CENPE: variants seen among roughly 807,000 people sequenced by gnomAD.
The protein encoded by CENPE is centromere protein E.
In CENPE, 145 loss-of-function variants were observed where a neutral mutation model predicts 336.1. The observed-to-expected ratio is 0.43, with a 90% confidence interval of 0.38 to 0.50. The LOEUF is 0.50. Ranked by LOEUF, CENPE falls within the 20% of genes least tolerant of loss-of-function variation. CENPE has a pLI of 0.00. For missense variants in CENPE, 2,719 were observed against 3,023.3 expected (o/e 0.90, Z 2.36); for synonymous variants, 1,013 against 984.8 (o/e 1.03, Z -0.54).
chr4:103,125,130 C>T (rs925966967), intron 42 of CENPE, among the ~76,000 whole-genome samples: 4 of 152,138 alleles, frequency 2.6e-5, no homozygotes, highest in African/African-American at 9.7e-5. Context: ...AATCAATAAA[C>T]AGGATGAACT....
chr4:103,130,278 T>C (rs1751469462), intron 42 of CENPE, among the ~76,000 whole-genome samples: 1 of 152,140 alleles, frequency 6.6e-6, no homozygotes, highest in African/African-American at 2.4e-5. Context: ...TCTGAAGGCA[T>C]CAACAAAAAT....
chr4:103,126,290 C>G (rs1751092855), intron 42 of CENPE, among the ~76,000 whole-genome samples: 1 of 150,800 alleles, frequency 6.6e-6, no homozygotes, highest in South Asian at 2.1e-4. Context: ...TTTTTTTTTT[C>G]TTAAGGCCTG....
rs1470595961 is a variant in CENPE at position 103,153,258 on chromosome 4, A to G, written c.3034-8T>C. ...TTTATCTATGCCAACCATCTAAAAC[A>G]TAAACACATTACAGAAGAATTTCTT... On this transcript the variant is annotated splice_region_variant and splice_polypyrimidine_tract_variant and intron_variant, in intron 24 of 48. Coordinates refer to ENST00000265148, the MANE Select transcript of CENPE (RefSeq NM_001813.3). 6.3e-7 allele frequency: 1 copy of G among 1,576,838 alleles called. No individual in the cohort carries two copies. Among genetic ancestry groups the G allele is most frequent in the East Asian group, 2.2e-5 (1 of 44,588 alleles).
At chr4:103,149,812 G>A (rs1560632343) in intron 26 of CENPE, among the ~76,000 whole-genome samples, 1 of 152,170 alleles carries the variant, frequency 6.6e-6, no homozygotes, top group African/African-American at 2.4e-5. Context: ...AAGCTAGGAA[G>A]AAGTAAGGAA....
At chr4:103,190,648 T>C (rs1757226574) in intron 8 of CENPE, among the ~76,000 whole-genome samples, 1 of 152,150 alleles carries the variant, frequency 6.6e-6, no homozygotes, top group Non-Finnish European at 1.5e-5. Flanking sequence ...TAATTCAAGA[T>C]GGATTAAAGA....
rs1468549502 is a variant in CENPE at position 103,123,020 on chromosome 4, G to A, written c.6994C>T (p.Leu2332=). The part of the protein sequence containing the change: ...ATISKEWEQD[L]KSLKEKNEKL... The stretch of plus-strand genomic sequence containing the variant: ...TCATTTTTCTCTTTCAGTGATTTCA[G>A]GTCCTGTTCCCACTCTTTGGATATG... Residue 2332 remains leucine, a synonymous_variant, in exon 43 of 49, where the codon CTG becomes TTG. Transcript: ENST00000265148. 3 of 1,613,872 alleles carry A rather than the reference G, an allele frequency of 1.9e-6. No individual in the cohort carries two copies. The Admixed American group carries it at 5.0e-5, about 27-fold the overall frequency.
At chr4:103,137,802 C>T (rs1396447030) in intron 39 of CENPE, among the ~76,000 whole-genome samples, 2 of 152,116 alleles carry the variant, frequency 1.3e-5, no homozygotes. Context: ...GGTCTTCCTG[C>T]TTCCACTCTA....
chr4:103,171,029 T>C lies in CENPE; in HGVS notation c.1647+3707A>G, dbSNP rs114017331. ...CACACTGAACATGGCAGAATATATA[T>C]AAAGCAAATATTAATCTGAAGGAAG... On this transcript the variant is annotated intron_variant, in intron 16 of 48. Transcript: ENST00000265148. Among the ~76,000 whole-genome samples the C allele has an allele frequency of 7.5e-3, 1,134 of 151,722 alleles. 18 individuals are homozygous for C. Among genetic ancestry groups the C allele is most frequent in the African/African-American group, 0.026 (1,080 of 41,500 alleles).
chr4:103,136,091 GATGTTT>G, intron 40 of CENPE, 44 bp downstream of exon 40: 1 of 1,439,448 alleles, frequency 6.9e-7, no homozygotes, highest in Non-Finnish European at 9.6e-7. Flanking sequence ...TAAATACATT[GATGTTT>G]ATAACTGAAA....
At chr4:103,183,643 A>G (rs546739123) in intron 9 of CENPE, among the ~76,000 whole-genome samples, 21 of 152,134 alleles carry the variant, frequency 1.4e-4, no homozygotes, top group Non-Finnish European at 2.8e-4. Context: ...CTTACAACCA[A>G]ATTAGCCTCT....
chr4:103,191,845 C>T (rs1037628041), intron 8 of CENPE, among the ~76,000 whole-genome samples: 30 of 151,628 alleles, frequency 2.0e-4, no homozygotes, highest in Non-Finnish European at 4.0e-4. Context: ...AAAAAGAGAA[C>T]CTTGCATAAA....
At chr4:103,187,253 G>C (rs1756859765) in intron 8 of CENPE, among the ~76,000 whole-genome samples, 2 of 152,128 alleles carry the variant, frequency 1.3e-5, no homozygotes, top group African/African-American at 2.4e-5. Context: ...ATATTTCTTG[G>C]AGGTTTGTTC....
chr4:103,149,149 A>G lies in CENPE; in HGVS notation c.3656T>C (p.Leu1219Pro), dbSNP rs1753326062. Reference sequence around the variant, plus strand: ...TTCAATTTCTCTTATATATCCTCTAAGGTGGTCTCTCTCTGTTTCAAATGA... The same window carrying G: ...TTCAATTTCTCTTATATATCCTCTAGGGTGGTCTCTCTCTGTTTCAAATGA... ...QKSFETERDH[L>P]RGYIREIEAT... is the part of the protein sequence containing the mutation. The change falls in exon 27 of 49, where the codon CTT (leucine) becomes CCT (proline). Residue 1219 changes from leucine (L) to proline (P), a missense_variant. By Grantham distance (98) the Leu-to-Pro change is moderately conservative. Around this residue, in one of 5 missense-constraint regions of CENPE, gnomAD observed 2,437 missense variants for 2,513.3 expected, o/e 0.97. Coordinates refer to ENST00000265148, the MANE Select transcript of CENPE (RefSeq NM_001813.3). 5 of 1,605,886 alleles carry G rather than the reference A, an allele frequency of 3.1e-6. No homozygotes were observed. Among genetic ancestry groups the G allele is most frequent in the Non-Finnish European group, 4.2e-6 (5 of 1,178,610 alleles).
At position 103,159,322 on chromosome 4, in the gene CENPE, T is replaced by C. The variant is rs1754233048; in HGVS notation, c.2289A>G (p.Ile763Met). 7.0e-7 allele frequency: 1 copy of C among 1,437,118 alleles called. No homozygotes were observed. The highest frequency in any genetic ancestry group is 1.5e-5 in the South Asian group (1 of 67,238). The allele number at this position is 1,437,118 out of a possible 1,614,324, so 89.0% of individuals were successfully genotyped here. ...PSEVERLRKE[I>M]QDKSEELHII... ...TATGGAGCTCTTCAGATTTGTCTTG[T>C]ATCTATGGAAAAGAAATAAAATTTA... Residue 763 changes from isoleucine (I) to methionine (M), a missense_variant and splice_region_variant, in exon 22 of 49, where the codon ATA (isoleucine) becomes ATG (methionine). Coordinates refer to ENST00000265148, the MANE Select transcript of CENPE (RefSeq NM_001813.3).
intron 44 of CENPE, among the ~76,000 whole-genome samples, chr4:103,119,009 C>T (rs1333156248): frequency 6.6e-6 from 1 of 152,162 alleles, no homozygotes; most frequent in Non-Finnish European, 1.5e-5. Context: ...CACCCTATCA[C>T]ATCCTTCAGA....
chr4:103,194,126 C>A (rs562814499), intron 8 of CENPE, 103 bp downstream of exon 8: 1 of 787,270 alleles, frequency 1.3e-6, no homozygotes, highest in South Asian at 1.8e-5. Flanking sequence ...TTTCCTCCCA[C>A]ATTTAGTTTA....
intron 20 of CENPE, 32 bp from the exon 21 acceptor site, chr4:103,160,811 C>T (rs1273665538): frequency 6.6e-7 from 1 of 1,521,200 alleles, no homozygotes; most frequent in African/African-American, 1.4e-5. Flanking sequence ...TATAAAGATC[C>T]AATGTTGCCA....
intron 36 of CENPE, among the ~76,000 whole-genome samples, 173 bp downstream of exon 36, chr4:103,140,641 A>G (rs867355889): frequency 1.3e-5 from 2 of 152,066 alleles, no homozygotes; most frequent in Non-Finnish European, 2.9e-5. Context: ...ATATCACAAA[A>G]AGAATACCCC....
chr4:103,115,991 A>G (rs1391165840), intron 45 of CENPE, among the ~76,000 whole-genome samples: 1 of 152,066 alleles, frequency 6.6e-6, no homozygotes, highest in Non-Finnish European at 1.5e-5. Flanking sequence ...TAGCCCTCCC[A>G]AAGTGCTGGG....
Sources: gnomAD v4.1 joint callset for allele counts (sites outside exome capture counted in the v4.1 genomes callset) on GRCh38, gnomAD v4.1.1 for gene constraint, gnomAD v4.1.1 regional missense constraint, MANE v1.5 for transcripts, NCBI Gene and HGNC (gene_info 2026-07-23, HGNC 2026-07-21) for gene names.